ORC4: variants seen among roughly 807,000 people sequenced by gnomAD.
ORC4 encodes the protein origin recognition complex, subunit 4 homolog.
A neutral mutation model predicts 63.9 loss-of-function variants in ORC4; 55 were observed. The ratio of observed to expected loss-of-function variants is 0.86; its 90% CI spans 0.69 to 1.08. ORC4 has a LOEUF of 1.08. Among genes scored for constraint, ORC4 ranks in the 50% least tolerant of loss-of-function variants. The pLI is 0.00. For missense variants in ORC4, 511 were observed against 504.4 expected, an observed-to-expected ratio of 1.01 and a Z score of -0.13; for synonymous variants, 150 against 168.5, an observed-to-expected ratio of 0.89 and a Z score of 0.85.
chr2:147,973,446 A>G lies in ORC4; in HGVS notation c.134+2T>C. The G allele has an allele frequency of 6.3e-7, 1 of 1,578,488 alleles. No individual in the cohort carries two copies. The highest frequency in any genetic ancestry group is 8.7e-7 in the Non-Finnish European group (1 of 1,147,812). On this transcript the variant is annotated splice_donor_variant, in intron 3 of 13. Coordinates refer to ENST00000392857, the MANE Select transcript of ORC4 (RefSeq NM_181741.4). LOFTEE classifies it high-confidence loss of function. ...AACAGTCAAGAGGACAGCTAGACTT[A>G]CTTGTATTGTACTTGCACTCCAAAT...
At chr2:147,947,260 A>C (rs1294815812) in intron 9 of ORC4, among the ~76,000 whole-genome samples, 1 of 152,018 alleles carries the variant, frequency 6.6e-6, no homozygotes, top group African/African-American at 2.4e-5. Flanking sequence ...CAGGGACTCT[A>C]TATTATTTTC....
At chr2:147,958,698 TCTAA>T in intron 5 of ORC4, 89 bp downstream of exon 5, 1 of 711,572 alleles carries the variant, frequency 1.4e-6, no homozygotes, top group Non-Finnish European at 2.5e-6. Context: ...GTTTTCAAAA[TCTAA>T]CTATTAAAAT....
At chr2:148,013,337 C>G (rs545153792) in intron 1 of ORC4, among the ~76,000 whole-genome samples, 1 of 152,116 alleles carries the variant, frequency 6.6e-6, no homozygotes, top group South Asian at 2.1e-4. Flanking sequence ...AGACAAGTAT[C>G]ACATGTTCTC....
rs886505007 is a variant in ORC4, at chr2:147,968,876, A to G, written c.225+3863T>C. Among the ~76,000 whole-genome samples the G allele has an allele frequency of 3.3e-5, 5 of 152,052 alleles. No homozygotes were observed. The Middle Eastern group carries it at 0.017, about 517-fold the overall frequency. ...TTCACAATAGCCATGATATGGATCA[A>G]CCTAGTTGTCCAACAACAGATGAAT... On this transcript the variant is annotated intron_variant, in intron 4 of 13. Coordinates refer to ENST00000392857, the MANE Select transcript of ORC4 (RefSeq NM_181741.4).
rs73005186 is a variant in ORC4, at chr2:148,000,162, A to G, written c.-18+20471T>C. On this transcript the variant is annotated intron_variant, in intron 1 of 13. Coordinates refer to ENST00000392857, the MANE Select transcript of ORC4 (RefSeq NM_181741.4). ...AAACAAAGGCAAGAAAATTAAAGAA[A>G]AAACATGAGGAATTTTCCCAGAGTT... Among the ~76,000 whole-genome samples the G allele has an allele frequency of 5.9e-3, 894 of 152,202 alleles. 9 individuals carry two copies. The highest frequency in any genetic ancestry group is 0.021 in the African/African-American group (861 of 41,568).
chr2:147,995,092 C>T (rs1691868608), intron 1 of ORC4, among the ~76,000 whole-genome samples: 1 of 151,336 alleles, frequency 6.6e-6, no homozygotes, highest in Non-Finnish European at 1.5e-5. Context: ...TAAAAACGCA[C>T]CAATCAGCGC....
intron 1 of ORC4, 51 bp from the exon 2 acceptor site, chr2:147,976,026 A>C: frequency 1.1e-6 from 1 of 910,200 alleles, no homozygotes; most frequent in South Asian, 1.3e-5. Flanking sequence ...TAAAGAGATT[A>C]CTTAAGAATT....
intron 1 of ORC4, among the ~76,000 whole-genome samples, chr2:148,009,355 C>G (rs1427540199): frequency 6.6e-6 from 1 of 151,898 alleles, no homozygotes; most frequent in Non-Finnish European, 1.5e-5. Context: ...ACTATAAAAA[C>G]ATAGACTAAC....
Position 147,943,492 on chromosome 2 carries a change from C to T in ORC4, c.793G>A (p.Val265Ile), listed in dbSNP as rs1053872884. 1.9e-6 allele frequency: 3 copies of T among 1,559,240 alleles called. No homozygotes were observed. The highest frequency in any genetic ancestry group is 2.6e-6 in the Non-Finnish European group (3 of 1,132,848). Residue 265 changes from valine (V) to isoleucine (I), a missense_variant, in exon 10 of 14, where the codon GTA becomes ATA. By Grantham distance (29) the Val-to-Ile change is conservative. Transcript: ENST00000392857. ...CTGATATTGAAATGCTTCTGTAGTA[C>T]TTCTTGCACACTTCTATCTTCTGAG... ...YLSEDRSVQE[V>I]LQKHFNISKN...
chr2:147,935,742 G>C (rs1558825753), intron 13 of ORC4, 44 bp from the exon 14 acceptor site: 2 of 1,506,238 alleles, frequency 1.3e-6, no homozygotes, highest in Non-Finnish European at 1.8e-6. Context: ...GGAGAGGAGA[G>C]TGACAACTCT....
chr2:147,987,830 G>T (rs137976614), intron 1 of ORC4, among the ~76,000 whole-genome samples: 1,907 of 152,184 alleles, frequency 0.013, 40 homozygotes, highest in African/African-American at 0.043. Flanking sequence ...GAGGCGGGCA[G>T]ATCATGAGGT....
Position 147,937,890 on chromosome 2 carries a change from C to G in ORC4, c.1122+256G>C, listed in dbSNP as rs1454504665. On this transcript the variant is annotated intron_variant, in intron 13 of 13. Transcript: ENST00000392857. The stretch of plus-strand genomic sequence containing the variant: ...GGAAAGGGAAAGGTTATATCACACA[C>G]TATACTGAATAGTTGTTTTCGGGAT... 3 of 519,792 alleles carry G rather than the reference C, an allele frequency of 5.8e-6. No homozygotes were observed. The South Asian group carries it at 6.6e-5, about 11-fold the overall frequency. The allele number at this position is 519,792 out of a possible 1,614,324, so 32.2% of individuals were successfully genotyped here.
intron 1 of ORC4, among the ~76,000 whole-genome samples, chr2:147,985,132 G>A (rs1691120622): frequency 6.6e-6 from 1 of 152,154 alleles, no homozygotes; most frequent in Admixed American, 6.5e-5. Context: ...TCTGCATAAT[G>A]TATTTTAGAC....
At chr2:147,980,046 A>G (rs1402205585) in intron 1 of ORC4, among the ~76,000 whole-genome samples, 1 of 152,204 alleles carries the variant, frequency 6.6e-6, no homozygotes. Context: ...AGCAGAAGCA[A>G]GAATAATGAA....
intron 6 of ORC4, among the ~76,000 whole-genome samples, chr2:147,956,475 T>A (rs1407070888): frequency 2.0e-5 from 3 of 152,088 alleles, no homozygotes. Flanking sequence ...AATATACATA[T>A]ATATGTCTGT....
At chr2:147,938,069 G>T in intron 13 of ORC4, 77 bp downstream of exon 13, 1 of 915,622 alleles carries the variant, frequency 1.1e-6, no homozygotes, top group Non-Finnish European at 1.8e-6. Flanking sequence ...AAATGAAAGT[G>T]CAATTTTAAT....
rs1285949864 is a variant in ORC4, at chr2:147,935,694, A to G, written c.1127T>C (p.Phe376Ser). 6.2e-7 allele frequency: 1 copy of G among 1,611,782 alleles called. No individual in the cohort carries two copies. Among genetic ancestry groups the G allele is most frequent in the South Asian group, 1.1e-5 (1 of 90,994 alleles). Reference sequence around the variant, plus strand: ...TAATTCTAATTGCTGCAAGTGTTCAAAAGCCTGAAAGATGAAAGAAATAGT... The same window carrying G: ...TAATTCTAATTGCTGCAAGTGTTCAGAAGCCTGAAAGATGAAAGAAATAGT... ...NFEKPVVMKA[F>S]EHLQQLELIK... The change falls in exon 14 of 14, where the codon TTT becomes TCT. Residue 376 changes from phenylalanine to serine, a missense_variant. By Grantham distance (155) the Phe-to-Ser change is radical (BLOSUM62 -2). Coordinates refer to ENST00000392857, the MANE Select transcript of ORC4 (RefSeq NM_181741.4).
At chr2:148,012,787 G>C (rs1409480736) in intron 1 of ORC4, among the ~76,000 whole-genome samples, 1 of 151,948 alleles carries the variant, frequency 6.6e-6, no homozygotes, top group Admixed American at 6.5e-5. Flanking sequence ...AAAGATCTGA[G>C]GAGACATTTC....
chr2:148,014,757 G>A, intron 1 of ORC4, among the ~76,000 whole-genome samples: 1 of 152,042 alleles, frequency 6.6e-6, no homozygotes, highest in East Asian at 1.9e-4. Flanking sequence ...CATCTACATT[G>A]TATTAGGTAC....
Sources: allele counts gnomAD v4.1 joint callset (sites outside exome capture counted in the v4.1 genomes callset), GRCh38; gene constraint gnomAD v4.1.1; transcripts MANE v1.5; gene names NCBI Gene and HGNC (gene_info 2026-07-23, HGNC 2026-07-21).